The following UBE2L3 variants were observed in gnomAD, a reference collection of about 807,000 sequenced individuals.
UBE2L3 encodes ubiquitin conjugating enzyme E2 L3.
A neutral mutation model predicts 17.8 loss-of-function variants in UBE2L3; 1 was observed. The observed-to-expected ratio is 0.06, with a 90% confidence interval of 0.02 to 0.27. The LOEUF is 0.27. Ranked by LOEUF, UBE2L3 falls within the 10% of genes least tolerant of loss-of-function variation. The pLI is 1.00. For missense variants in UBE2L3, 40 were observed against 192.6 expected, an observed-to-expected ratio of 0.21 and a Z score of 4.69; for synonymous variants, 44 against 68.5, an observed-to-expected ratio of 0.64 and a Z score of 1.76.
intron 2 of UBE2L3, among the ~76,000 whole-genome samples, chr22:21,604,729 T>C (rs370397115): frequency 8.3e-4 from 127 of 152,300 alleles, no homozygotes; most frequent in African/African-American, 3.0e-3. Flanking sequence ...AAGGTATATC[T>C]TATGTTTTAA....
intron 2 of UBE2L3, among the ~76,000 whole-genome samples, chr22:21,608,883 A>C (rs1183577867): frequency 6.8e-6 from 1 of 147,884 alleles, no homozygotes; most frequent in African/African-American, 2.5e-5. Context: ...CTCCTGGCCC[A>C]GTTTGGCAGT....
In UBE2L3 at chr22:21,568,436, C is replaced by G. The variant is rs150233113; in HGVS notation, c.27+665C>G. On this transcript the variant is annotated intron_variant, in intron 1 of 3. Transcript: ENST00000342192. ...CCCCGATCGCGGCGCGGTTCTGCTT[C>G]CCTCTCCTCCACTCAGTCATCCCGA... 1,536 of 985,326 alleles carry G rather than the reference C, an allele frequency of 1.6e-3. 18 individuals are homozygous for G. In the African/African-American group the frequency reaches 0.021, roughly 14 times the overall value. 61.0% of individuals were successfully genotyped at this position (985,326 alleles called of 1,614,324 possible).
intron 1 of UBE2L3, among the ~76,000 whole-genome samples, chr22:21,559,406 G>A (rs1926353216): frequency 6.6e-6 from 1 of 151,186 alleles, no homozygotes; most frequent in South Asian, 2.1e-4. Context: ...TGGATTACAT[G>A]AATGGTTTTC....
At chr22:21,591,923 G>A (rs1928287631) in intron 1 of UBE2L3, among the ~76,000 whole-genome samples, 2 of 152,300 alleles carry the variant, frequency 1.3e-5, no homozygotes, top group African/African-American at 4.8e-5. Flanking sequence ...GAATGTTGGC[G>A]AGGCTGGTGT....
At position 21,585,746 on chromosome 22, in the gene UBE2L3, G is replaced by A. The variant is rs930509193; in HGVS notation, c.28-7115G>A. Among the ~76,000 whole-genome samples the A allele has an allele frequency of 3.3e-5, 5 of 152,240 alleles. No homozygotes were observed. In the East Asian group the frequency reaches 5.8e-4, roughly 18 times the overall value. On this transcript the variant is annotated intron_variant, in intron 1 of 3. Coordinates refer to ENST00000342192, the MANE Select transcript of UBE2L3 (RefSeq NM_003347.4). ...ACATCCTTCCAGAAGACATCCTGGG[G>A]AAAGACATAGAGGGGGGAAGTCACC...
chr22:21,597,775 A>ATTTTTTTTTTTTTTTTTTT lies in UBE2L3; in HGVS notation c.123+4833_123+4851dup, dbSNP rs35054754. Among the ~76,000 whole-genome samples, 12 of 25,602 alleles carry ATTTTTTTTTTTTTTTTTTT rather than the reference A, an allele frequency of 4.7e-4. 2 individuals carry two copies. The highest frequency in any genetic ancestry group is 1.5e-3 in the Admixed American group (2 of 1,300). 16.8% of individuals were successfully genotyped at this position (25,602 alleles called of 152,430 possible). A position where few individuals can be genotyped will look rare whatever the true frequency, so the allele number is the denominator to read the frequency against. ...GGATCTTTGATCCATTTATATGTAG[A>ATTTTTTTTTTTTTTTTTTT]TTTTTTTTTTTTTTTTTTTTTTTTT... On this transcript the variant is annotated intron_variant, in intron 2 of 3. Coordinates refer to ENST00000342192, the MANE Select transcript of UBE2L3 (RefSeq NM_003347.4).
chr22:21,558,718 A>G (rs1568965027), intron 1 of UBE2L3, among the ~76,000 whole-genome samples: 1 of 150,656 alleles, frequency 6.6e-6, no homozygotes, highest in Non-Finnish European at 1.5e-5. Flanking sequence ...TCAAACTCTT[A>G]ATCTCGAGTG....
At chr22:21,603,250 G>A (rs537210988) in intron 2 of UBE2L3, among the ~76,000 whole-genome samples, 76 of 152,218 alleles carry the variant, frequency 5.0e-4, no homozygotes, top group Non-Finnish European at 7.5e-4. Context: ...CAAGTGGGCC[G>A]GGTGCGGTGG....
At chr22:21,619,481 C>T (rs1387373598) in intron 3 of UBE2L3, among the ~76,000 whole-genome samples, 1 of 152,162 alleles carries the variant, frequency 6.6e-6, no homozygotes, top group Non-Finnish European at 1.5e-5. Context: ...GCGCAATGCC[C>T]TCCTCGCCTC....
chr22:21,576,783 C>G (rs998670029), intron 1 of UBE2L3, among the ~76,000 whole-genome samples: 2 of 148,262 alleles, frequency 1.3e-5, no homozygotes, highest in African/African-American at 5.0e-5. Flanking sequence ...AATATTCTTG[C>G]TTCTTGTCTT....
At chr22:21,608,741 A>ATTTTTTTTT (rs779049247) in intron 2 of UBE2L3, among the ~76,000 whole-genome samples, 6 of 109,858 alleles carry the variant, frequency 5.5e-5, no homozygotes, top group East Asian at 2.8e-4. Context: ...AATATATTTA[A>ATTTTTTTTT]TTTTTTTTTT....
chr22:21,586,484 G>A lies in UBE2L3; in HGVS notation c.28-6377G>A, dbSNP rs112279154. Reference sequence around the variant, plus strand: ...GAGGTTTCACCTTGTTGGCCGGGCTGGTTCTCAAACTCCTGACCTCAAGTG... The same window carrying A: ...GAGGTTTCACCTTGTTGGCCGGGCTAGTTCTCAAACTCCTGACCTCAAGTG... On this transcript the variant is annotated intron_variant, in intron 1 of 3. Coordinates refer to ENST00000342192, the MANE Select transcript of UBE2L3 (RefSeq NM_003347.4). Among the ~76,000 whole-genome samples, 10 of 151,894 alleles carry A rather than the reference G, an allele frequency of 6.6e-5. 2 individuals are homozygous for A. Among genetic ancestry groups the A allele is most frequent in the African/African-American group, 2.4e-4 (10 of 41,404 alleles).
chr22:21,616,708 C>T (rs1417631329), intron 3 of UBE2L3, among the ~76,000 whole-genome samples: 3 of 151,454 alleles, frequency 2.0e-5, no homozygotes, highest in Non-Finnish European at 4.4e-5. Context: ...ACCTGTAATC[C>T]CAGCTACTTG....
At chr22:21,564,270 G>A (rs1601386803), upstream of UBE2L3, among the ~76,000 whole-genome samples, 1 of 152,072 alleles carries the variant, frequency 6.6e-6, no homozygotes, top group East Asian at 1.9e-4. Context: ...TTTGGCTCAA[G>A]CAATCCTCCT....
intron 2 of UBE2L3, 118 bp from the exon 3 acceptor site, chr22:21,610,739 T>C (rs1929433115): frequency 6.0e-6 from 7 of 1,174,896 alleles, no homozygotes; most frequent in South Asian, 1.9e-5. Flanking sequence ...AGGGCTTCAG[T>C]TGATACTTGA....
Position 21,583,724 on chromosome 22 carries a change from A to T in UBE2L3, c.28-9137A>T, listed in dbSNP as rs138099323. 9.9e-3 allele frequency among the ~76,000 whole-genome samples: 1,514 copies of T among 152,220 alleles called. 30 individuals carry two copies. The highest frequency in any genetic ancestry group is 0.035 in the African/African-American group (1,443 of 41,532). On this transcript the variant is annotated intron_variant, in intron 1 of 3. Coordinates refer to ENST00000342192, the MANE Select transcript of UBE2L3 (RefSeq NM_003347.4). ...TAATGACATGACGACTGCTGCCCCG[A>T]GTCAGGGGGGCTTAGACCACGTGAA...
At chr22:21,558,340 A>G (rs1417748552) in intron 1 of UBE2L3, among the ~76,000 whole-genome samples, 1 of 152,226 alleles carries the variant, frequency 6.6e-6, no homozygotes, top group Non-Finnish European at 1.5e-5. Flanking sequence ...TTTATTAAAA[A>G]CTTAATTTTT....
intron 1 of UBE2L3, among the ~76,000 whole-genome samples, chr22:21,578,514 C>T (rs184532254): frequency 3.4e-4 from 51 of 152,112 alleles, no homozygotes; most frequent in African/African-American, 8.7e-4. Context: ...TTGAAGAGGT[C>T]GGTGTCCCAG....
At chr22:21,615,922 CA>C (rs1159587540) in intron 3 of UBE2L3, among the ~76,000 whole-genome samples, 3 of 152,146 alleles carry the variant, frequency 2.0e-5, no homozygotes, top group Non-Finnish European at 4.4e-5. Context: ...GCTTTGGCCC[CA>C]AACGTGGTGC....
Sources: allele counts gnomAD v4.1 joint callset (sites outside exome capture counted in the v4.1 genomes callset), GRCh38; gene constraint gnomAD v4.1.1; transcripts MANE v1.5; gene names NCBI Gene and HGNC (gene_info 2026-07-23, HGNC 2026-07-21).